The following PPDPFL variants were observed in gnomAD, a reference collection of about 807,000 sequenced individuals.
PPDPFL encodes pancreatic progenitor cell differentiation and proliferation factor-like protein.
In PPDPFL, 12 loss-of-function variants were observed where a neutral mutation model predicts 12.6. The observed-to-expected ratio is 0.95, with a 90% CI of 0.61 to 1.54. The LOEUF (loss-of-function observed/expected upper bound fraction) is 1.54, where lower values mean the gene tolerates loss of function less well. Among genes scored for constraint, PPDPFL ranks in the 40% most tolerant of loss-of-function variants. The pLI, the probability that PPDPFL is intolerant of heterozygous loss-of-function variation, is 0.00. For synonymous variants in PPDPFL, 24 were observed against 32.7 expected, an observed-to-expected ratio of 0.73 and a Z score of 0.91; for missense variants, 114 against 96.0, an observed-to-expected ratio of 1.19 and a Z score of -0.78.
chr8:49,065,928 C>T (rs763086591), intron 1 of PPDPFL, among the ~76,000 whole-genome samples: 8 of 152,200 alleles, frequency 5.3e-5, no homozygotes, highest in South Asian at 2.1e-4. Flanking sequence ...GAACATGATA[C>T]GGCCTAGAAA....
intron 1 of PPDPFL, among the ~76,000 whole-genome samples, chr8:49,060,302 G>GT (rs1051294746): frequency 6.6e-6 from 1 of 151,962 alleles, no homozygotes; most frequent in Non-Finnish European, 1.5e-5. Flanking sequence ...TTGCATCTCT[G>GT]TTTTTTGTTT....
At chr8:49,058,025 A>C (rs2129243419) in intron 1 of PPDPFL, among the ~76,000 whole-genome samples, 1 of 152,336 alleles carries the variant, frequency 6.6e-6, no homozygotes, top group South Asian at 2.1e-4. Flanking sequence ...TGTTTTCCTT[A>C]CCTCAGCACA....
chr8:49,056,396 A>C (rs1338285805), intron 1 of PPDPFL, among the ~76,000 whole-genome samples: 1 of 152,172 alleles, frequency 6.6e-6, no homozygotes, highest in Non-Finnish European at 1.5e-5. Flanking sequence ...ACTCTATCTA[A>C]ATTAGCAGTC....
chr8:49,056,271 C>G (rs1464428321), intron 1 of PPDPFL, among the ~76,000 whole-genome samples: 2 of 152,080 alleles, frequency 1.3e-5, no homozygotes, highest in Non-Finnish European at 2.9e-5. Context: ...TTTAGAGCAC[C>G]CTTCCTTGCT....
At chr8:49,056,668 A>G (rs1430688351) in intron 1 of PPDPFL, among the ~76,000 whole-genome samples, 2 of 152,210 alleles carry the variant, frequency 1.3e-5, no homozygotes, top group Non-Finnish European at 2.9e-5. Context: ...TTTACAAAGT[A>G]TATTGGCTTT....
At chr8:49,068,811 CACAT>C (rs1358372007), upstream of PPDPFL, among the ~76,000 whole-genome samples, 1 of 152,042 alleles carries the variant, frequency 6.6e-6, no homozygotes, top group African/African-American at 2.4e-5. Flanking sequence ...TTAAAGTACA[CACAT>C]GCATACATGT....
At chr8:49,055,876 T>A (rs1808104580) in intron 1 of PPDPFL, among the ~76,000 whole-genome samples, 1 of 152,136 alleles carries the variant, frequency 6.6e-6, no homozygotes, top group Non-Finnish European at 1.5e-5. Context: ...ATGCTAAAAA[T>A]GGTATTTTGT....
chr8:49,073,027 C>T, intron 2 of PPDPFL, 142 bp downstream of exon 2: 1 of 733,478 alleles, frequency 1.4e-6, no homozygotes, highest in East Asian at 2.9e-5. Flanking sequence ...CAGGAGGCCT[C>T]AGGGACTTCT....
At chr8:49,056,982 TAGAAAATAAACTCCCC>T (rs959715022) in intron 1 of PPDPFL, among the ~76,000 whole-genome samples, 1 of 152,180 alleles carries the variant, frequency 6.6e-6, no homozygotes, top group African/African-American at 2.4e-5. Context: ...GTTTCTAGAT[TAGAAAATAAACTCCCC>T]AGTTTTGTTG....
Position 49,072,772 on chromosome 8 carries a change from C to G in PPDPFL, c.-44-15C>G, listed in dbSNP as rs1808414774. ...TTATTCATATCAATGTCTCTTTTCT[C>G]TGTCGCTGTTTCAGATTAATGCTCA... On this transcript the variant is annotated splice_polypyrimidine_tract_variant and intron_variant, in intron 1 of 4. Transcript: ENST00000522267. 7.6e-7 allele frequency: 1 copy of G among 1,321,252 alleles called. No homozygotes were observed. The highest frequency in any genetic ancestry group is 1.1e-6 in the Non-Finnish European group (1 of 948,664). The allele number at this position is 1,321,252 out of a possible 1,614,324, so 81.8% of individuals were successfully genotyped here.
intron 1 of PPDPFL, among the ~76,000 whole-genome samples, chr8:49,060,673 CGGA>C (rs748508012): frequency 5.9e-4 from 90 of 151,704 alleles, no homozygotes; most frequent in African/African-American, 2.0e-3. Context: ...AAAGGATCAG[CGGA>C]AAAAAATGAC....
At chr8:49,057,271 A>G (rs938628901) in intron 1 of PPDPFL, among the ~76,000 whole-genome samples, 8 of 152,164 alleles carry the variant, frequency 5.3e-5, no homozygotes, top group African/African-American at 1.7e-4. Flanking sequence ...CATTTTTATT[A>G]GTCTGAATGA....
upstream of PPDPFL, among the ~76,000 whole-genome samples, chr8:49,071,366 G>A (rs1420348618): frequency 2.0e-5 from 3 of 152,222 alleles, no homozygotes; most frequent in Non-Finnish European, 4.4e-5. Flanking sequence ...GTCTGTGAAA[G>A]GGCAAAGCAG....
In PPDPFL at chr8:49,072,883, G is replaced by A. The variant is rs1327256996; in HGVS notation, c.53G>A (p.Arg18Gln). 23 of 1,605,458 alleles carry A rather than the reference G, an allele frequency of 1.4e-5. No individual in the cohort carries two copies. The highest frequency in any genetic ancestry group is 1.6e-4 in the Middle Eastern group (1 of 6,070). ...GCLLARNQYY[R>Q]KSSVSSVSSL... ...CTTCTAGCCAGAAATCAGTATTATC[G>A]AAGTAAGTTGCATCATCATAGAGAC... The change falls in exon 2 of 5, where the codon CGA becomes CAA. Residue 18 changes from arginine (R) to glutamine (Q), a missense_variant and splice_region_variant. Arg to Gln is a conservative substitution (Grantham distance 43). Transcript: ENST00000522267.
chr8:49,056,559 T>C (rs1808115317), intron 1 of PPDPFL, among the ~76,000 whole-genome samples: 1 of 152,192 alleles, frequency 6.6e-6, no homozygotes, highest in Non-Finnish European at 1.5e-5. Context: ...CCCTGGTGTG[T>C]AGTATACATA....
chr8:49,064,880 A>T (rs1808270247), intron 1 of PPDPFL, among the ~76,000 whole-genome samples: 1 of 152,204 alleles, frequency 6.6e-6, no homozygotes. Flanking sequence ...ATGAAAAGCA[A>T]TCAAAATTTA....
intron 1 of PPDPFL, among the ~76,000 whole-genome samples, chr8:49,059,092 G>A (rs1808155610): frequency 6.6e-6 from 1 of 152,160 alleles, no homozygotes; most frequent in Non-Finnish European, 1.5e-5. Context: ...CCCCACTTTA[G>A]TTTGAATGGA....
Position 49,074,238 on chromosome 8 carries a change from G to C in PPDPFL, c.138G>C (p.Leu46Phe), listed in dbSNP as rs1426291201. Residue 46 changes from leucine (L) to phenylalanine (F), a missense_variant, in exon 4 of 5, where the codon TTG becomes TTC. Leu to Phe is a conservative substitution (Grantham distance 22, BLOSUM62 0). Transcript: ENST00000522267. ...AACATGAATTTTATTTAATAGGGTT[G>C]CCTGAAGTGGCAGAATCCACCTGGT... Reference protein sequence around the residue: ...FIDDDKPQQGLPEVAESTWWF... With the variant: ...FIDDDKPQQGFPEVAESTWWF... 1 of 1,613,630 alleles carries C rather than the reference G, an allele frequency of 6.2e-7. No individual in the cohort carries two copies.
At chr8:49,054,831 G>A (rs1808088267) in intron 1 of PPDPFL, among the ~76,000 whole-genome samples, 2 of 152,158 alleles carry the variant, frequency 1.3e-5, no homozygotes, top group South Asian at 4.1e-4. Flanking sequence ...TCACTCAAAG[G>A]CATACTTCAC....
Sources: allele counts gnomAD v4.1 joint callset (sites outside exome capture counted in the v4.1 genomes callset), GRCh38; gene constraint gnomAD v4.1.1; transcripts MANE v1.5; gene names NCBI Gene and HGNC (gene_info 2026-07-23, HGNC 2026-07-21).